The following MED12L variants were observed in gnomAD, a reference collection of about 807,000 sequenced individuals.
MED12L encodes the protein mediator of RNA polymerase II transcription subunit 12-like protein.
MED12L carries 60 observed loss-of-function variants against 281.3 expected under a neutral mutation model. The ratio of observed to expected loss-of-function variants is 0.21; its 90% CI spans 0.17 to 0.26. The LOEUF (loss-of-function observed/expected upper bound fraction) is 0.26, where lower values mean the gene tolerates loss of function less well. Among genes scored for constraint, MED12L ranks in the 10% least tolerant of loss-of-function variants. The pLI is 1.00. For missense variants in MED12L, 2,146 were observed against 2,680.9 expected (o/e 0.80, Z 4.41); for synonymous variants, 974 against 987.2 (o/e 0.99, Z 0.25).
chr3:151,134,578 G>A (rs1369311435), intron 5 of MED12L, among the ~76,000 whole-genome samples: 2 of 152,148 alleles, frequency 1.3e-5, no homozygotes, highest in African/African-American at 4.8e-5. Context: ...TATTAGAGAA[G>A]GAAGACTTCA....
intron 16 of MED12L, among the ~76,000 whole-genome samples, chr3:151,271,672 G>A (rs970262252): frequency 2.0e-5 from 3 of 152,154 alleles, no homozygotes; most frequent in African/African-American, 7.2e-5. Flanking sequence ...ATGGTGATCC[G>A]GAGGATGATG....
chr3:151,182,383 A>T (rs904549686), intron 11 of MED12L, among the ~76,000 whole-genome samples: 3 of 152,042 alleles, frequency 2.0e-5, no homozygotes, highest in African/African-American at 7.2e-5. Flanking sequence ...ATCCTTGTTT[A>T]CTAGTGAGAG....
chr3:151,115,257 A>C (rs771132052), intron 2 of MED12L, among the ~76,000 whole-genome samples: 2 of 151,288 alleles, frequency 1.3e-5, no homozygotes, highest in Non-Finnish European at 2.9e-5. Context: ...TTTCTTAAAC[A>C]TAAAACAGGT....
intron 16 of MED12L, chr3:151,213,242 T>C: frequency 7.8e-7 from 1 of 1,285,442 alleles, no homozygotes; most frequent in South Asian, 1.4e-5. Context: ...TGATTTCTGT[T>C]ATGTAATTGA....
intron 16 of MED12L, chr3:151,214,101 C>G (rs1306400143): frequency 6.2e-7 from 1 of 1,614,134 alleles, no homozygotes; most frequent in South Asian, 1.1e-5. Flanking sequence ...AAGGAAAAGT[C>G]AGGCTCATCA....
At chr3:151,274,409 T>C (rs1300006878) in intron 16 of MED12L, among the ~76,000 whole-genome samples, 1 of 152,204 alleles carries the variant, frequency 6.6e-6, no homozygotes, top group Non-Finnish European at 1.5e-5. Context: ...TTTTCACTTC[T>C]ATAAAGGTAG....
chr3:151,332,197 C>T (rs1175136541), intron 16 of MED12L, among the ~76,000 whole-genome samples: 1 of 152,154 alleles, frequency 6.6e-6, no homozygotes, highest in Non-Finnish European at 1.5e-5. Flanking sequence ...CATTTGTAGT[C>T]TTATTTGGGA....
intron 21 of MED12L, among the ~76,000 whole-genome samples, chr3:151,361,628 T>C (rs1754624360): frequency 6.6e-6 from 1 of 152,160 alleles, no homozygotes; most frequent in African/African-American, 2.4e-5. Context: ...TTTATTTTCT[T>C]AATACTCTTA....
intron 16 of MED12L, among the ~76,000 whole-genome samples, chr3:151,336,180 A>T (rs1422084491): frequency 6.6e-6 from 1 of 152,222 alleles, no homozygotes; most frequent in Non-Finnish European, 1.5e-5. Context: ...GAACATGTAA[A>T]TTTATGCATA....
chr3:151,366,509 A>G (rs1424500631), intron 23 of MED12L, among the ~76,000 whole-genome samples: 1 of 152,164 alleles, frequency 6.6e-6, no homozygotes, highest in Non-Finnish European at 1.5e-5. Flanking sequence ...ATGAAAAGAT[A>G]CCCCTTGTAT....
intron 43 of MED12L, among the ~76,000 whole-genome samples, chr3:151,427,525 T>C (rs890575044): frequency 4.1e-4 from 62 of 152,236 alleles, no homozygotes; most frequent in Non-Finnish European, 6.3e-4. Context: ...TGAAATACTC[T>C]ATTTGAAGCA....
At chr3:151,149,015 A>G (rs1718111071) in intron 5 of MED12L, among the ~76,000 whole-genome samples, 1 of 152,184 alleles carries the variant, frequency 6.6e-6, no homozygotes, top group African/African-American at 2.4e-5. Context: ...TGCAGTGGTG[A>G]GTTTAAACTA....
intron 40 of MED12L, 92 bp downstream of exon 40, chr3:151,409,424 A>G (rs765426386): frequency 4.4e-5 from 47 of 1,078,210 alleles, no homozygotes; most frequent in Non-Finnish European, 6.5e-5. Flanking sequence ...TCAACTCCCT[A>G]TAGGGTCTAG....
chr3:151,394,825 A>G lies in MED12L; in HGVS notation c.5778A>G (p.Gln1926=). The G allele has an allele frequency of 6.2e-7, 1 of 1,614,214 alleles. No individual in the cohort carries two copies. Among genetic ancestry groups the G allele is most frequent in the South Asian group, 1.1e-5 (1 of 91,092 alleles). Reference sequence around the variant, plus strand: ...TGAAGCTTCTGCAGCAGCAGCAGCAACAGCGACTTCTCAGGCAAGCCCAGA... The same window carrying G: ...TGAAGCTTCTGCAGCAGCAGCAGCAGCAGCGACTTCTCAGGCAAGCCCAGA... ...IQMKLLQQQQ[Q]QRLLRQAQTR... Residue 1926 remains glutamine (Q), a synonymous_variant, in exon 39 of 45, where the codon CAA becomes CAG. Coordinates refer to ENST00000687756, the MANE Select transcript of MED12L (RefSeq NM_001393769.1).
chr3:151,263,499 G>C (rs1739280060), intron 16 of MED12L, among the ~76,000 whole-genome samples: 1 of 152,144 alleles, frequency 6.6e-6, no homozygotes. Flanking sequence ...CTTTGATTTT[G>C]AGTTTAATGC....
At chr3:151,397,416 C>T (rs17204508) in intron 39 of MED12L, among the ~76,000 whole-genome samples, 45,957 of 152,016 alleles carry the variant, frequency 0.3, 7,687 homozygotes, top group Non-Finnish European at 0.38. Flanking sequence ...TGTAGTACAT[C>T]GAGCTAATGA....
At chr3:151,196,229 A>G (rs973046534) in intron 16 of MED12L, among the ~76,000 whole-genome samples, 1 of 152,218 alleles carries the variant, frequency 6.6e-6, no homozygotes, top group Non-Finnish European at 1.5e-5. Context: ...CTGCTAGACA[A>G]TTGATATTGT....
chr3:151,376,706 C>A, intron 28 of MED12L, 94 bp from the exon 29 acceptor site: 1 of 1,005,372 alleles, frequency 9.9e-7, no homozygotes, highest in Non-Finnish European at 1.5e-6. Context: ...TATGATTATT[C>A]TGCTCTTTCT....
At chr3:151,145,620 A>G (rs1039235374) in intron 5 of MED12L, among the ~76,000 whole-genome samples, 1 of 152,212 alleles carries the variant, frequency 6.6e-6, no homozygotes, top group Non-Finnish European at 1.5e-5. Context: ...GGAAGTTAAC[A>G]TTTGGCAAAA....
Sources: gnomAD v4.1 joint callset for allele counts (sites outside exome capture counted in the v4.1 genomes callset) on GRCh38, gnomAD v4.1.1 for gene constraint, MANE v1.5 for transcripts, NCBI Gene and HGNC (gene_info 2026-07-23, HGNC 2026-07-21) for gene names.